The following ZNF511 variants were observed in gnomAD, a reference collection of about 807,000 sequenced individuals.
ZNF511 encodes zinc finger protein 511.
A neutral mutation model predicts 24.8 loss-of-function variants in ZNF511; 26 were observed. That is an observed-to-expected ratio of 1.05 (90% CI 0.77 to 1.46). The LOEUF is 1.46. Among genes scored for constraint, ZNF511 ranks in the 40% most tolerant of loss-of-function variants. The pLI, the probability that ZNF511 is intolerant of heterozygous loss-of-function variation, is 0.00. For synonymous variants in ZNF511, 144 were observed against 139.6 expected, an observed-to-expected ratio of 1.03 and a Z score of -0.22; for missense variants, 358 against 345.0, an observed-to-expected ratio of 1.04 and a Z score of -0.30.
intron 1 of ZNF511, 45 bp downstream of exon 1, chr10:133,309,141 G>C (rs956619102): frequency 2.7e-5 from 38 of 1,384,664 alleles, no homozygotes; most frequent in African/African-American, 6.1e-5. Flanking sequence ...GATCCAGTGG[G>C]GCCTACGGCG....
Position 133,308,937 on chromosome 10 carries a change from C to G in ZNF511, c.-7C>G, listed in dbSNP as rs1847906642. ...CCGACAGGCTGCGCCCGCCCGCGCC[C>G]GGGGTGATGCAGTTGCCCCCCGCGC... On this transcript the variant is annotated 5_prime_UTR_variant, in exon 1 of 6. Coordinates refer to ENST00000361518, the MANE Select transcript of ZNF511 (RefSeq NM_145806.4). 1 of 1,224,328 alleles carries G rather than the reference C, an allele frequency of 8.2e-7. No individual in the cohort carries two copies. The highest frequency in any genetic ancestry group is 1.0e-6 in the Non-Finnish European group (1 of 977,932). The allele number at this position is 1,224,328 out of a possible 1,614,324, so 75.8% of individuals were successfully genotyped here. A position where few individuals can be genotyped will look rare whatever the true frequency, so the allele number is the denominator to read the frequency against.
Position 133,310,280 on chromosome 10 carries a change from AAGC to A in ZNF511, c.549_551del (p.Ser183del), listed in dbSNP as rs1267210384. 3.1e-6 allele frequency: 5 copies of A among 1,613,824 alleles called. No homozygotes were observed. Among genetic ancestry groups the A allele is most frequent in the Non-Finnish European group, 4.2e-6 (5 of 1,180,044 alleles). On this transcript the variant is annotated inframe_deletion, in exon 4 of 6. Transcript: ENST00000361518. ...ACTTCCGGTTTGATAAGCCAAAGAA[AAGC>A]AGAAGGTAGGGAGCCGCCAGGCTCA...
chr10:133,310,131 G>T (rs1193446649), intron 3 of ZNF511, 33 bp from the exon 4 acceptor site: 3 of 1,613,042 alleles, frequency 1.9e-6, no homozygotes, highest in Non-Finnish European at 2.5e-6. Context: ...GAGGGCCAGG[G>T]GTCAGAGGGA....
intron 5 of ZNF511, 195 bp from the exon 6 acceptor site, chr10:133,312,593 G>T: frequency 2.0e-6 from 3 of 1,470,400 alleles, no homozygotes; most frequent in Non-Finnish European, 2.7e-6. Flanking sequence ...TGCGTTGGTG[G>T]CTGGCGGGGA....
intron 1 of ZNF511, 35 bp from the exon 2 acceptor site, chr10:133,309,355 C>T: frequency 6.3e-7 from 1 of 1,599,292 alleles, no homozygotes; most frequent in Non-Finnish European, 8.5e-7. Flanking sequence ...TGCCGCGAGT[C>T]ACCTGGCCCC....
At chr10:133,312,594 C>T in intron 5 of ZNF511, 194 bp from the exon 6 acceptor site, 2 of 1,470,888 alleles carry the variant, frequency 1.4e-6, no homozygotes, top group Non-Finnish European at 8.9e-7. Context: ...GCGTTGGTGG[C>T]TGGCGGGGAC....
At chr10:133,312,146 C>T (rs1391900873) in intron 5 of ZNF511, 7 of 1,435,374 alleles carry the variant, frequency 4.9e-6, no homozygotes, top group East Asian at 2.5e-5. Context: ...ACAACCCAGG[C>T]GTCTGCCTTA....
Position 133,309,006 on chromosome 10 carries a change from G to T in ZNF511, c.63G>T (p.Leu21=), listed in dbSNP as rs769561641. Reference sequence around the variant, plus strand: ...CGGGGCCCGGGGCGGCGGAGCCGCTGCCTGTAGAGCGGGATCCCGCGGCTG... The same window carrying T: ...CGGGGCCCGGGGCGGCGGAGCCGCTTCCTGTAGAGCGGGATCCCGCGGCTG... ...LAAGPGAAEP[L]PVERDPAAGA... The change falls in exon 1 of 6, where the codon CTG becomes CTT. Residue 21 remains leucine, a synonymous_variant. Coordinates refer to ENST00000361518, the MANE Select transcript of ZNF511 (RefSeq NM_145806.4). 7 of 1,251,950 alleles carry T rather than the reference G, an allele frequency of 5.6e-6. No homozygotes were observed. The highest frequency in any genetic ancestry group is 3.7e-5 in the South Asian group (1 of 26,694). 77.6% of individuals were successfully genotyped at this position (1,251,950 alleles called of 1,614,324 possible).
intron 4 of ZNF511, chr10:133,310,518 G>A (rs1847966721): frequency 8.9e-6 from 5 of 563,888 alleles, no homozygotes; most frequent in South Asian, 4.0e-5. Flanking sequence ...GCTCTGTGCC[G>A]GTGGAGGCAG....
chr10:133,311,821 G>A lies in ZNF511; in HGVS notation c.660G>A (p.Glu220=). ...PVAASPAPAG[E]RRIYRHRIPS... ...CAGCCTCCCCTGCACCGGCAGGTGA[G>A]AGGCGGATCTACAGACATAGGTCAG... The change falls in exon 5 of 6, where the codon GAG becomes GAA. Residue 220 remains glutamate (E), a synonymous_variant. Coordinates refer to ENST00000361518, the MANE Select transcript of ZNF511 (RefSeq NM_145806.4). 6.2e-7 allele frequency: 1 copy of A among 1,613,368 alleles called. No homozygotes were observed. Among genetic ancestry groups the A allele is most frequent in the Non-Finnish European group, 8.5e-7 (1 of 1,180,044 alleles).
At chr10:133,309,359 T>C (rs377538301) in intron 1 of ZNF511, 31 bp from the exon 2 acceptor site, 268 of 1,601,570 alleles carry the variant, frequency 1.7e-4, no homozygotes, top group Non-Finnish European at 2.2e-4. Flanking sequence ...GCGAGTCACC[T>C]GGCCCCGCCC....
chr10:133,309,264 C>T (rs1445494801), intron 1 of ZNF511, 126 bp from the exon 2 acceptor site: 2 of 1,027,808 alleles, frequency 1.9e-6, no homozygotes, highest in Admixed American at 2.6e-5. Context: ...GTGGAGTGGG[C>T]GGGGCCTGAG....
chr10:133,309,837 T>C lies in ZNF511; in HGVS notation c.289T>C (p.Tyr97His). The change falls in exon 3 of 6, where the codon TAC (tyrosine) becomes CAC (histidine). Residue 97 changes from tyrosine to histidine, a missense_variant. By Grantham distance (83) the Tyr-to-His change is moderately conservative. Coordinates refer to ENST00000361518, the MANE Select transcript of ZNF511 (RefSeq NM_145806.4). ...CCQVFDALDD[Y>H]EHHYHTLHGN... ...CCAGGTGTTCGATGCCCTGGACGAC[T>C]ACGAGCACCACTACCACACGCTGCA... 6.2e-7 allele frequency: 1 copy of C among 1,613,760 alleles called. No individual in the cohort carries two copies. The highest frequency in any genetic ancestry group is 1.1e-5 in the South Asian group (1 of 91,086).
Position 133,310,204 on chromosome 10 carries a change from C to T in ZNF511, c.470C>T (p.Thr157Ile), listed in dbSNP as rs1259773746. 6.2e-7 allele frequency: 1 copy of T among 1,613,902 alleles called. No individual in the cohort carries two copies. Among genetic ancestry groups the T allele is most frequent in the African/African-American group, 1.3e-5 (1 of 74,934 alleles). Residue 157 changes from threonine to isoleucine, a missense_variant, in exon 4 of 6, where the codon ACC (threonine) becomes ATC (isoleucine). Coordinates refer to ENST00000361518, the MANE Select transcript of ZNF511 (RefSeq NM_145806.4). Reference sequence around the variant, plus strand: ...GAAGGCTGCACAGAGAAGTTCAAGACCAGCAGAGACCGGAAGGATCACATG... The same window carrying T: ...GAAGGCTGCACAGAGAAGTTCAAGATCAGCAGAGACCGGAAGGATCACATG... ...LVEGCTEKFK[T>I]SRDRKDHMVR...
At chr10:133,312,207 G>C (rs558498886) in intron 5 of ZNF511, 2 of 1,387,920 alleles carry the variant, frequency 1.4e-6, no homozygotes, top group East Asian at 3.1e-5. Context: ...TGCCGTCTGC[G>C]TTTCTAGCGT....
At chr10:133,312,316 T>TAGAG (rs1417231026) in intron 5 of ZNF511, 17 of 1,190,498 alleles carry the variant, frequency 1.4e-5, no homozygotes, top group Non-Finnish European at 1.8e-5. Flanking sequence ...GCCGTCTGCC[T>TAGAG]TTCTAGTTAA....
chr10:133,312,081 T>G, intron 5 of ZNF511: 2 of 1,457,532 alleles, frequency 1.4e-6, no homozygotes, highest in African/African-American at 1.4e-5. Flanking sequence ...CACCACTCAC[T>G]TTTCCTCATT....
rs1271637068 is a variant in ZNF511, at chr10:133,312,875, GA to G, written c.*13del. On this transcript the variant is annotated 3_prime_UTR_variant, in exon 6 of 6. Coordinates refer to ENST00000361518, the MANE Select transcript of ZNF511 (RefSeq NM_145806.4). ...AAACCAAACAATGCTGATAGACTCA[GA>G]AAAGGAGTGGGGGGCAGTCACCACT... 6.2e-7 allele frequency: 1 copy of G among 1,614,110 alleles called. No homozygotes were observed. The highest frequency in any genetic ancestry group is 1.7e-5 in the Admixed American group (1 of 60,022).
At position 133,313,103 on chromosome 10, in the gene ZNF511, C is replaced by A; in HGVS notation, c.*237C>A. The A allele has an allele frequency of 1.0e-6, 1 of 954,540 alleles. No individual in the cohort carries two copies. Among genetic ancestry groups the A allele is most frequent in the Non-Finnish European group, 1.5e-6 (1 of 679,476 alleles). The allele number at this position is 954,540 out of a possible 1,614,324, so 59.1% of individuals were successfully genotyped here. On this transcript the variant is annotated 3_prime_UTR_variant, in exon 6 of 6. Coordinates refer to ENST00000361518, the MANE Select transcript of ZNF511 (RefSeq NM_145806.4). ...GGAGATGTGGACGGCCTGTCTCCTC[C>A]TGCAGGGCCCACCCTAAGAATGTAT...
Sources: allele counts gnomAD v4.1 joint callset, GRCh38; gene constraint gnomAD v4.1.1; transcripts MANE v1.5; gene names NCBI Gene and HGNC (gene_info 2026-07-23, HGNC 2026-07-21).